Variants in PCP4 observed in about 807,000 individuals in gnomAD.
PCP4 encodes calmodulin regulator protein PCP4.
Under a neutral mutation model 10.0 loss-of-function variants are expected in PCP4, and 8 were observed. The ratio of observed to expected loss-of-function variants is 0.80; its 90% CI spans 0.47 to 1.45. PCP4 has a LOEUF of 1.45. Ranked by LOEUF, PCP4 falls within the 40% of genes most tolerant of loss-of-function variation. The probability of loss-of-function intolerance (pLI) is 0.00; values close to 1 mark genes in which losing one functional copy is unlikely to be tolerated. For missense variants in PCP4, 54 were observed against 74.4 expected, an observed-to-expected ratio of 0.73 and a Z score of 1.01; for synonymous variants, 21 against 23.0, an observed-to-expected ratio of 0.91 and a Z score of 0.24.
chr21:39,927,126 C>G (rs1381294321), intron 2 of PCP4, among the ~76,000 whole-genome samples: 1 of 152,136 alleles, frequency 6.6e-6, no homozygotes. Flanking sequence ...TTGAAGGGTC[C>G]CAGGTGGAAA....
intron 2 of PCP4, among the ~76,000 whole-genome samples, chr21:39,907,308 A>G (rs949387699): frequency 6.6e-6 from 1 of 151,936 alleles, no homozygotes; most frequent in African/African-American, 2.4e-5. Flanking sequence ...CATGCTTCGG[A>G]CCCCGGGCAG....
chr21:39,876,462 C>T (rs2087346314), intron 1 of PCP4, among the ~76,000 whole-genome samples: 1 of 152,148 alleles, frequency 6.6e-6, no homozygotes, highest in African/African-American at 2.4e-5. Flanking sequence ...TTTTAAAAGC[C>T]ACTTACCTAC....
chr21:39,914,271 A>G (rs768108454), intron 2 of PCP4, among the ~76,000 whole-genome samples: 2 of 152,126 alleles, frequency 1.3e-5, no homozygotes, highest in Non-Finnish European at 2.9e-5. Context: ...CTTGGCTTCT[A>G]CCTTTCCTTC....
At chr21:39,895,784 A>T (rs1192400601) in intron 1 of PCP4, among the ~76,000 whole-genome samples, 4 of 151,970 alleles carry the variant, frequency 2.6e-5, no homozygotes, top group Non-Finnish European at 5.9e-5. Flanking sequence ...CCTGGTGTAG[A>T]CTCTCTCCAG....
intron 1 of PCP4, among the ~76,000 whole-genome samples, chr21:39,891,523 G>A (rs564023109): frequency 3.9e-5 from 6 of 152,312 alleles, no homozygotes; most frequent in South Asian, 2.1e-4. Context: ...TATTCTCCTC[G>A]TGTGTGGAGA....
intron 1 of PCP4, among the ~76,000 whole-genome samples, chr21:39,877,747 C>A (rs1180365578): frequency 6.6e-6 from 1 of 152,012 alleles, no homozygotes; most frequent in East Asian, 1.9e-4. Context: ...GAAACAAGAC[C>A]CTTGTTGGCA....
intron 2 of PCP4, among the ~76,000 whole-genome samples, chr21:39,912,531 C>G (rs1055620562): frequency 1.3e-5 from 2 of 151,982 alleles, no homozygotes; most frequent in African/African-American, 4.8e-5. Context: ...AAAACAGGCC[C>G]TGGTTAAATG....
chr21:39,883,121 T>C (rs961726465), intron 1 of PCP4, among the ~76,000 whole-genome samples: 2 of 12,692 alleles, frequency 1.6e-4, no homozygotes, highest in Admixed American at 1.2e-3. Flanking sequence ...GTGGGTTGGA[T>C]GGACAAGTAT....
At chr21:39,917,559 T>A (rs1401428328) in intron 2 of PCP4, among the ~76,000 whole-genome samples, 1 of 152,152 alleles carries the variant, frequency 6.6e-6, no homozygotes, top group Non-Finnish European at 1.5e-5. Flanking sequence ...GGGATGGCCC[T>A]CTACTCCTTA....
intron 2 of PCP4, among the ~76,000 whole-genome samples, chr21:39,904,787 C>A (rs2087498360): frequency 6.6e-6 from 1 of 152,088 alleles, no homozygotes; most frequent in Non-Finnish European, 1.5e-5. Context: ...TGTCTGGAAT[C>A]CAGGGGGAGG....
intron 1 of PCP4, among the ~76,000 whole-genome samples, chr21:39,881,856 G>T (rs140143287): frequency 6.6e-5 from 10 of 152,312 alleles, no homozygotes; most frequent in Non-Finnish European, 1.5e-4. Flanking sequence ...AGACCGGAAA[G>T]ATTAAATGGC....
At chr21:39,919,954 TGA>T (rs755938766) in intron 2 of PCP4, among the ~76,000 whole-genome samples, 2 of 148,476 alleles carry the variant, frequency 1.3e-5, no homozygotes, top group Admixed American at 6.7e-5. Context: ...GTGTGTGGAG[TGA>T]GAGGTGTGTG....
In PCP4 at chr21:39,891,163, T is replaced by G. The variant is rs139899079; in HGVS notation, c.10-7313T>G. 2.9e-3 allele frequency among the ~76,000 whole-genome samples: 441 copies of G among 152,310 alleles called. 4 individuals are homozygous for G. The highest frequency in any genetic ancestry group is 6.4e-3 in the South Asian group (31 of 4,824). On this transcript the variant is annotated intron_variant, in intron 1 of 2. Coordinates refer to ENST00000328619, the MANE Select transcript of PCP4 (RefSeq NM_006198.3). ...TTGAATATGAAGGGATTGTTTGTGA[T>G]TTTGCAACTTAGTGAAAAAAAAATA... is the stretch of plus-strand genomic sequence containing the variant.
intron 1 of PCP4, among the ~76,000 whole-genome samples, chr21:39,890,210 C>T (rs12106354): frequency 0.059 from 9,039 of 152,246 alleles, 344 homozygotes; most frequent in East Asian, 0.087. Flanking sequence ...TTTCTGAAAG[C>T]TTGGAATTAC....
chr21:39,926,715 C>T (rs1333901988), intron 2 of PCP4, among the ~76,000 whole-genome samples: 1 of 152,238 alleles, frequency 6.6e-6, no homozygotes, highest in African/African-American at 2.4e-5. Flanking sequence ...GACACTTGAC[C>T]TCCAGTCCCA....
At chr21:39,886,269 TATG>T (rs1039809850) in intron 1 of PCP4, among the ~76,000 whole-genome samples, 18 of 152,138 alleles carry the variant, frequency 1.2e-4, no homozygotes, top group African/African-American at 4.3e-4. Flanking sequence ...CAGAACCTTC[TATG>T]ATATTAATTT....
chr21:39,891,855 A>G (rs2087433586), intron 1 of PCP4, among the ~76,000 whole-genome samples: 2 of 152,218 alleles, frequency 1.3e-5, no homozygotes, highest in Non-Finnish European at 1.5e-5. Context: ...GACTTTCACT[A>G]TTTCTTCTAC....
chr21:39,880,130 G>GTATCTATATCTATATCTATATCTA lies in PCP4; in HGVS notation c.9+12658_9+12681dup, dbSNP rs57501558. Among the ~76,000 whole-genome samples the GTATCTATATCTATATCTATATCTA allele has an allele frequency of 1.1e-3, 149 of 141,602 alleles. 2 individuals carry two copies. Among genetic ancestry groups the GTATCTATATCTATATCTATATCTA allele is most frequent in the Middle Eastern group, 7.3e-3 (2 of 274 alleles). The allele number at this position is 141,602 out of a possible 152,430, so 92.9% of individuals were successfully genotyped here. A position where few individuals can be genotyped will look rare whatever the true frequency, so the allele number is the denominator to read the frequency against. On this transcript the variant is annotated intron_variant, in intron 1 of 2. Coordinates refer to ENST00000328619, the MANE Select transcript of PCP4 (RefSeq NM_006198.3). Reference sequence around the variant, plus strand: ...TCTATCTATATCTATATCTATATCTGTATCTATATCTATATCTATATCTAT... The same window carrying GTATCTATATCTATATCTATATCTA: ...TCTATCTATATCTATATCTATATCTGTATCTATATCTATATCTATATCTATATCTATATCTATATCTATATCTAT...
At chr21:39,915,311 C>T (rs2087563482) in intron 2 of PCP4, among the ~76,000 whole-genome samples, 1 of 152,006 alleles carries the variant, frequency 6.6e-6, no homozygotes, top group African/African-American at 2.4e-5. Context: ...TGAATGGATG[C>T]ACGTAAGCAA....
Sources: allele counts gnomAD v4.1 joint callset (sites outside exome capture counted in the v4.1 genomes callset), GRCh38; gene constraint gnomAD v4.1.1; transcripts MANE v1.5; gene names NCBI Gene and HGNC (gene_info 2026-07-23, HGNC 2026-07-21).